The following PHF3 variants were observed in gnomAD, a reference collection of about 807,000 sequenced individuals.
PHF3 encodes PHD finger protein 3.
PHF3 carries 41 observed loss-of-function variants against 178.4 expected under a neutral mutation model. The observed-to-expected ratio is 0.23, with a 90% CI of 0.18 to 0.30. The LOEUF (loss-of-function observed/expected upper bound fraction) is 0.30, where lower values mean the gene tolerates loss of function less well. PHF3 is among the 10% of genes least tolerant of loss of function. The pLI, the probability that PHF3 is intolerant of heterozygous loss-of-function variation, is 1.00. For synonymous variants in PHF3, 842 were observed against 800.5 expected (o/e 1.05, Z -0.88); for missense variants, 2,346 against 2,398.1 (o/e 0.98, Z 0.45).
At chr6:63,705,396 A>G (rs1043353830) in intron 11 of PHF3, among the ~76,000 whole-genome samples, 1 of 152,188 alleles carries the variant, frequency 6.6e-6, no homozygotes, top group Admixed American at 6.5e-5. Flanking sequence ...TCACAGCAGG[A>G]GGTGAGCGGT....
Position 63,713,465 on chromosome 6 carries a change from A to G in PHF3, c.5877A>G (p.Arg1959=). The part of the protein sequence containing the change: ...RDRSQDKDRD[R]KSREEGHKDK... ...GAAGCCAAGACAAGGACAGAGACAG[A>G]AAAAGCAGGGAGGAAGGGCACAAAG... is the stretch of plus-strand genomic sequence containing the variant. Residue 1959 remains arginine, a synonymous_variant, in exon 16 of 16, where the codon AGA becomes AGG. Coordinates refer to ENST00000262043, the MANE Select transcript of PHF3 (RefSeq NM_001370348.2). 6.2e-7 allele frequency: 1 copy of G among 1,613,924 alleles called. No homozygotes were observed. Among genetic ancestry groups the G allele is most frequent in the Non-Finnish European group, 8.5e-7 (1 of 1,179,940 alleles).
intron 2 of PHF3, among the ~76,000 whole-genome samples, chr6:63,652,008 C>G (rs1482789848): frequency 6.6e-6 from 1 of 152,150 alleles, no homozygotes; most frequent in African/African-American, 2.4e-5. Flanking sequence ...CTGTAATAAA[C>G]ATGGGAGTGC....
In PHF3 at chr6:63,640,145, C is replaced by T. The variant is rs547601662; in HGVS notation, c.-26+3995C>T. On this transcript the variant is annotated intron_variant, in intron 1 of 15. Coordinates refer to ENST00000262043, the MANE Select transcript of PHF3 (RefSeq NM_001370348.2). ...TGTCTTGCCAATAGATTCTAACTAA[C>T]GAAACTGAACCAGATTTGAAGTGGG... Among the ~76,000 whole-genome samples the T allele has an allele frequency of 7.9e-5, 12 of 152,262 alleles. No homozygotes were observed. The South Asian group carries it at 1.5e-3, about 18-fold the overall frequency.
intron 2 of PHF3, among the ~76,000 whole-genome samples, chr6:63,677,823 T>C (rs548543345): frequency 1.6e-4 from 24 of 152,330 alleles, no homozygotes; most frequent in Non-Finnish European, 2.6e-4. Context: ...TTATGCATCT[T>C]TGTAATGCAT....
intron 8 of PHF3, among the ~76,000 whole-genome samples, chr6:63,699,189 C>T (rs963902708): frequency 2.0e-5 from 3 of 152,020 alleles, no homozygotes; most frequent in Admixed American, 1.3e-4. Context: ...CATGTGTGTG[C>T]GTGTATGTGT....
At chr6:63,652,047 A>G (rs1458041013) in intron 2 of PHF3, among the ~76,000 whole-genome samples, 2 of 152,068 alleles carry the variant, frequency 1.3e-5, no homozygotes, top group East Asian at 3.9e-4. Context: ...TCCTTTGGCT[A>G]TTTATGCCCA....
At chr6:63,661,625 C>G (rs1313500354) in intron 2 of PHF3, among the ~76,000 whole-genome samples, 3 of 152,138 alleles carry the variant, frequency 2.0e-5, no homozygotes, top group Admixed American at 6.5e-5. Flanking sequence ...ACATCATGGT[C>G]TGACTGATCC....
In PHF3 at chr6:63,716,822, A is replaced by G. The variant is rs1284733409; in HGVS notation, c.*3114A>G. On this transcript the variant is annotated 3_prime_UTR_variant, in exon 16 of 16. Transcript: ENST00000262043. ...TTCCCTTCTGATTCCCTCTTCTACT[A>G]CAAAGGACCCTTGTGATTACATTGA... Among the ~76,000 whole-genome samples the G allele has an allele frequency of 6.6e-6, 1 of 151,914 alleles. No individual in the cohort carries two copies. The highest frequency in any genetic ancestry group is 2.4e-5 in the African/African-American group (1 of 41,362).
In PHF3 at chr6:63,694,678, C is replaced by G. The variant is rs201532290; in HGVS notation, c.2594C>G (p.Pro865Arg). 2.0e-4 allele frequency: 314 copies of G among 1,601,688 alleles called. No individual in the cohort carries two copies. Among genetic ancestry groups the G allele is most frequent in the Non-Finnish European group, 2.4e-4 (287 of 1,173,528 alleles). ...CGTAAGATGGGACAACCAGTTTTACCTCGGAGATCCTCAGAAGAAAAAAGT... is the reference window on the plus strand; with the variant it reads ...CGTAAGATGGGACAACCAGTTTTACGTCGGAGATCCTCAGAAGAAAAAAGT... ...PLRKMGQPVLPRRSSEEKSEK... is the reference protein window; with the variant it reads ...PLRKMGQPVLRRRSSEEKSEK... The change falls in exon 6 of 16, where the codon CCT becomes CGT. Residue 865 changes from proline (P) to arginine (R), a missense_variant. Physicochemically the swap from Pro to Arg is moderately radical, Grantham distance 103. Around this residue, in one of 8 missense-constraint regions of PHF3, gnomAD observed 252 missense variants for 232.0 expected, o/e 1.09. Coordinates refer to ENST00000262043, the MANE Select transcript of PHF3 (RefSeq NM_001370348.2).
At chr6:63,670,165 G>A (rs1254044968) in intron 2 of PHF3, among the ~76,000 whole-genome samples, 1 of 152,084 alleles carries the variant, frequency 6.6e-6, no homozygotes, top group East Asian at 1.9e-4. Flanking sequence ...TCCATGTTTG[G>A]ATGCTTCCTT....
chr6:63,685,448 C>T lies in PHF3; in HGVS notation c.1726C>T (p.Leu576=), dbSNP rs943943853. Residue 576 remains leucine (L), a synonymous_variant, in exon 4 of 16, where the codon CTG becomes TTG. Transcript: ENST00000262043. The stretch of plus-strand genomic sequence containing the variant: ...TGTGAAAAACCAAGCTCATTCTGTA[C>T]TGAAAAAAACATTACAGGATCAAAC... ...KSVKNQAHSV[L]KKTLQDQTLV... is the part of the protein sequence containing the mutation. The T allele has an allele frequency of 6.2e-7, 1 of 1,613,982 alleles. No individual in the cohort carries two copies. The highest frequency in any genetic ancestry group is 8.5e-7 in the Non-Finnish European group (1 of 1,179,952).
At position 63,721,053 on chromosome 6, in the gene PHF3, CCTT is replaced by C. The variant is rs1768363936; in HGVS notation, c.*7348_*7350del. On this transcript the variant is annotated 3_prime_UTR_variant, in exon 16 of 16. Transcript: ENST00000262043. ...AGCTATTCCCATCCATACAATTAGA[CCTT>C]CTGTTTTAGTGGTACTGAAATTTAA... The C allele has an allele frequency of 6.4e-7, 1 of 1,551,284 alleles. No individual in the cohort carries two copies. The highest frequency in any genetic ancestry group is 8.7e-7 in the Non-Finnish European group (1 of 1,146,792).
intron 3 of PHF3, among the ~76,000 whole-genome samples, chr6:63,682,395 T>C (rs1272002922): frequency 6.6e-6 from 1 of 152,148 alleles, no homozygotes; most frequent in Non-Finnish European, 1.5e-5. Flanking sequence ...TTTGGGTCTC[T>C]TATGTCAAAT....
chr6:63,661,624 T>C (rs1204197122), intron 2 of PHF3, among the ~76,000 whole-genome samples: 1 of 152,180 alleles, frequency 6.6e-6, no homozygotes, highest in Non-Finnish European at 1.5e-5. Flanking sequence ...AACATCATGG[T>C]CTGACTGATC....
At position 63,723,822 on chromosome 6, in the gene PHF3, ATTATTAT is replaced by A. The variant is rs2149628386; in HGVS notation, c.*10116_*10122del. Among the ~76,000 whole-genome samples the A allele has an allele frequency of 7.0e-6, 1 of 143,458 alleles. No individual in the cohort carries two copies. Among genetic ancestry groups the A allele is most frequent in the Admixed American group, 7.0e-5 (1 of 14,328 alleles). 94.1% of individuals were successfully genotyped at this position (143,458 alleles called of 152,430 possible). A position where few individuals can be genotyped will look rare whatever the true frequency, so the allele number is the denominator to read the frequency against. On this transcript the variant is annotated 3_prime_UTR_variant, in exon 16 of 16. Transcript: ENST00000262043. ...TATTATTATTATTATTATTATTATTATTATTATTATTATTTTGAGACCAGAGTCCTGC... is the reference window on the plus strand; with the variant it reads ...TATTATTATTATTATTATTATTATTATATTATTTTGAGACCAGAGTCCTGC...
chr6:63,702,727 G>A (rs528683478), intron 10 of PHF3, 88 bp downstream of exon 10: 1 of 1,353,736 alleles, frequency 7.4e-7, no homozygotes, highest in East Asian at 2.3e-5. Context: ...GTAGAGAAAA[G>A]AATTTTAAAA....
At chr6:63,677,426 A>G (rs1258346520) in intron 2 of PHF3, among the ~76,000 whole-genome samples, 1 of 151,630 alleles carries the variant, frequency 6.6e-6, no homozygotes, top group Non-Finnish European at 1.5e-5. Flanking sequence ...AAGTGAAGTG[A>G]AAAAAAAGGA....
At position 63,706,111 on chromosome 6, in the gene PHF3, T is replaced by C. The variant is rs924856326; in HGVS notation, c.3450T>C (p.Asn1150=). The C allele has an allele frequency of 1.1e-5, 17 of 1,613,820 alleles. No homozygotes were observed. The highest frequency in any genetic ancestry group is 1.3e-5 in the African/African-American group (1 of 74,926). ...VVGVARKHSD[N]EAESIADALS... ...GAGTAGCTCGCAAACATTCAGACAA[T>C]GAAGCAGAAAGTATAGCAGATGCAT... The change falls in exon 12 of 16, where the codon AAT becomes AAC. Residue 1150 remains asparagine, a synonymous_variant. Transcript: ENST00000262043.
chr6:63,711,869 T>C lies in PHF3; in HGVS notation c.4281T>C (p.Pro1427=). The C allele has an allele frequency of 6.2e-7, 1 of 1,614,114 alleles. No individual in the cohort carries two copies. Among genetic ancestry groups the C allele is most frequent in the Non-Finnish European group, 8.5e-7 (1 of 1,179,980 alleles). Residue 1427 remains proline (P), a synonymous_variant, in exon 16 of 16, where the codon CCT becomes CCC. Transcript: ENST00000262043. ...LQEDLPTAVE[P]LMEVTKQEPP... ...AAGACCTTCCAACAGCAGTTGAACC[T>C]TTAATGGAAGTCACCAAACAGGAGC...
Sources: allele counts gnomAD v4.1 joint callset (sites outside exome capture counted in the v4.1 genomes callset), GRCh38; gene constraint gnomAD v4.1.1; regional missense constraint gnomAD v4.1.1; transcripts MANE v1.5; gene names NCBI Gene and HGNC (gene_info 2026-07-23, HGNC 2026-07-21).